The following CTNND2 variants were observed in gnomAD, a reference collection of about 807,000 sequenced individuals.
The protein encoded by CTNND2 is catenin delta-2.
Under a neutral mutation model 144.4 loss-of-function variants are expected in CTNND2, and 22 were observed. That is an observed-to-expected ratio of 0.15 (90% CI 0.11 to 0.22). The LOEUF (loss-of-function observed/expected upper bound fraction) is 0.22. Among genes scored for constraint, CTNND2 ranks in the 10% least tolerant of loss-of-function variants. The pLI is 1.00. For missense variants in CTNND2, 1,353 were observed against 1,618.8 expected, an observed-to-expected ratio of 0.84 and a Z score of 2.82; for synonymous variants, 751 against 695.6, an observed-to-expected ratio of 1.08 and a Z score of -1.25.
At chr5:11,021,075 T>C (rs901570281) in intron 17 of CTNND2, among the ~76,000 whole-genome samples, 1 of 152,242 alleles carries the variant, frequency 6.6e-6, no homozygotes. Flanking sequence ...TGATTTGTAA[T>C]ATCATTTCAT....
chr5:11,243,806 T>C (rs182401670), intron 9 of CTNND2, among the ~76,000 whole-genome samples: 1 of 152,332 alleles, frequency 6.6e-6, no homozygotes, highest in Admixed American at 6.5e-5. Context: ...ATTGTCACAA[T>C]ATCTTATCAA....
intron 16 of CTNND2, among the ~76,000 whole-genome samples, chr5:11,064,418 A>T (rs913896385): frequency 6.6e-6 from 1 of 152,146 alleles, no homozygotes; most frequent in Admixed American, 6.5e-5. Flanking sequence ...GAGACTTCAT[A>T]ACCAATCAGA....
At chr5:11,634,274 G>A (rs528855317) in intron 2 of CTNND2, among the ~76,000 whole-genome samples, 1 of 152,240 alleles carries the variant, frequency 6.6e-6, no homozygotes, top group Non-Finnish European at 1.5e-5. Flanking sequence ...CAAGACCATA[G>A]GCACACACAC....
chr5:11,838,775 T>C (rs549950015), intron 1 of CTNND2, among the ~76,000 whole-genome samples: 125 of 152,330 alleles, frequency 8.2e-4, no homozygotes, highest in Middle Eastern at 3.4e-3. Flanking sequence ...TGATATTGTG[T>C]CATATCTTAA....
intron 3 of CTNND2, among the ~76,000 whole-genome samples, chr5:11,553,908 G>A (rs1216938042): frequency 3.3e-5 from 5 of 152,020 alleles, no homozygotes; most frequent in African/African-American, 4.8e-5. Context: ...GAAGTAAGAT[G>A]ACATTTAGGA....
At chr5:11,560,286 T>C (rs916503118) in intron 3 of CTNND2, among the ~76,000 whole-genome samples, 2 of 152,190 alleles carry the variant, frequency 1.3e-5, no homozygotes, top group African/African-American at 2.4e-5. Context: ...GAGCAGTCCA[T>C]AGATAGATCT....
At chr5:11,160,093 A>G (rs1335703009) in intron 11 of CTNND2, among the ~76,000 whole-genome samples, 3 of 152,194 alleles carry the variant, frequency 2.0e-5, no homozygotes, top group Admixed American at 1.3e-4. Context: ...AATTCTAACC[A>G]AGACCAAAGA....
intron 2 of CTNND2, among the ~76,000 whole-genome samples, chr5:11,705,372 A>G (rs1231846197): frequency 6.6e-6 from 1 of 152,242 alleles, no homozygotes; most frequent in Non-Finnish European, 1.5e-5. Context: ...AAAGAGAAAA[A>G]GCTAATGTAA....
chr5:11,561,747 A>T (rs1025657636), intron 3 of CTNND2, among the ~76,000 whole-genome samples: 1 of 152,194 alleles, frequency 6.6e-6, no homozygotes, highest in African/African-American at 2.4e-5. Context: ...TGACTACCTG[A>T]AAAGAGATCT....
At chr5:11,066,889 A>G (rs1235755613) in intron 16 of CTNND2, among the ~76,000 whole-genome samples, 1 of 152,178 alleles carries the variant, frequency 6.6e-6, no homozygotes, top group Non-Finnish European at 1.5e-5. Context: ...CCCACTGTCT[A>G]TGTTTCCTTA....
chr5:11,786,241 G>T (rs993928088), intron 1 of CTNND2, among the ~76,000 whole-genome samples: 1 of 152,158 alleles, frequency 6.6e-6, no homozygotes, highest in Non-Finnish European at 1.5e-5. Flanking sequence ...TTCTACAACT[G>T]TCATAATTCC....
chr5:11,237,336 G>C (rs1741765267), intron 9 of CTNND2, among the ~76,000 whole-genome samples: 1 of 152,126 alleles, frequency 6.6e-6, no homozygotes, highest in South Asian at 2.1e-4. Flanking sequence ...TAGTTTTCAA[G>C]TGCAAACGTG....
In CTNND2 at chr5:11,098,535, T is replaced by A. The variant is rs753853537; in HGVS notation, c.2637+40A>T. On this transcript the variant is annotated intron_variant, in intron 15 of 21. Coordinates refer to ENST00000304623, the MANE Select transcript of CTNND2 (RefSeq NM_001332.4). The stretch of plus-strand genomic sequence containing the variant: ...ATATTGTTTTCTGAGGAGTTGCTCA[T>A]AACTCCAGATTTCTTTTTATTGTAA... 9.0e-6 allele frequency: 14 copies of A among 1,557,652 alleles called. 1 individual carries two copies. The South Asian group carries it at 1.7e-4, about 19-fold the overall frequency.
At position 11,035,555 on chromosome 5, in the gene CTNND2, C is replaced by A. The variant is rs180708699; in HGVS notation, c.2789-12576G>T. Among the ~76,000 whole-genome samples, 55 of 152,328 alleles carry A rather than the reference C, an allele frequency of 3.6e-4. 1 individual carries two copies. The highest frequency in any genetic ancestry group is 3.4e-3 in the Middle Eastern group (1 of 294). ...TATAAACCTTAATTCCCCTTGGCCA[C>A]GTAAGGTGGCACAGCCACAGGTCTG... is the stretch of plus-strand genomic sequence containing the variant. On this transcript the variant is annotated intron_variant, in intron 16 of 21. Transcript: ENST00000304623.
intron 11 of CTNND2, among the ~76,000 whole-genome samples, chr5:11,160,667 A>G (rs969252043): frequency 5.3e-5 from 8 of 152,318 alleles, no homozygotes; most frequent in African/African-American, 1.9e-4. Context: ...TACACCCTGA[A>G]CCTAAACACG....
At chr5:11,195,234 T>C (rs550358308) in intron 11 of CTNND2, among the ~76,000 whole-genome samples, 1 of 152,320 alleles carries the variant, frequency 6.6e-6, no homozygotes, top group Admixed American at 6.5e-5. Flanking sequence ...AAAATTAAAT[T>C]ATAGAAAATA....
intron 18 of CTNND2, among the ~76,000 whole-genome samples, chr5:11,001,723 G>A (rs140616394): frequency 7.2e-5 from 11 of 152,034 alleles, no homozygotes; most frequent in South Asian, 2.1e-4. Context: ...TGACATACTC[G>A]CAACTGTGCT....
intron 14 of CTNND2, among the ~76,000 whole-genome samples, chr5:11,107,252 T>C: frequency 6.6e-6 from 1 of 152,382 alleles, no homozygotes; most frequent in East Asian, 1.9e-4. Flanking sequence ...ATGTTAACTA[T>C]GTAAATGTAT....
At chr5:11,129,315 T>C (rs1238749434) in intron 12 of CTNND2, among the ~76,000 whole-genome samples, 1 of 77,808 alleles carries the variant, frequency 1.3e-5, no homozygotes, top group Non-Finnish European at 2.0e-5. Flanking sequence ...TATATATAAA[T>C]ATATATAATA....
Sources: allele counts gnomAD v4.1 joint callset (sites outside exome capture counted in the v4.1 genomes callset), GRCh38; gene constraint gnomAD v4.1.1; transcripts MANE v1.5; gene names NCBI Gene and HGNC (gene_info 2026-07-23, HGNC 2026-07-21).